The following RAB39A variants were observed in gnomAD, a reference collection of about 807,000 sequenced individuals.
RAB39A encodes the protein ras-related protein Rab-39A.
In RAB39A, 17 loss-of-function variants were observed where a neutral mutation model predicts 20.9. That is an observed-to-expected ratio of 0.81 (90% CI 0.56 to 1.22). The LOEUF is 1.22. Among genes scored for constraint, RAB39A ranks in the 50% most tolerant of loss-of-function variants. The pLI is 0.00. For synonymous variants in RAB39A, 99 were observed against 103.4 expected (o/e 0.96, Z 0.26); for missense variants, 234 against 270.5 (o/e 0.87, Z 0.95).
chr11:107,941,160 A>T (rs543478489), intron 1 of RAB39A, among the ~76,000 whole-genome samples: 6 of 152,278 alleles, frequency 3.9e-5, no homozygotes, highest in African/African-American at 1.4e-4. Context: ...AATTTGAGAA[A>T]AGGGTTTCTT....
intron 1 of RAB39A, among the ~76,000 whole-genome samples, chr11:107,946,708 T>G (rs544115997): frequency 6.6e-6 from 1 of 151,010 alleles, no homozygotes; most frequent in African/African-American, 2.4e-5. Flanking sequence ...TCTCCTGACC[T>G]CATGATCCGC....
chr11:107,939,965 G>A (rs1448762047), intron 1 of RAB39A, among the ~76,000 whole-genome samples: 2 of 152,132 alleles, frequency 1.3e-5, no homozygotes, highest in African/African-American at 2.4e-5. Flanking sequence ...GAAATTTCCA[G>A]GCATTGTCAG....
At chr11:107,931,942 C>T (rs562953260) in intron 1 of RAB39A, among the ~76,000 whole-genome samples, 94 of 151,030 alleles carry the variant, frequency 6.2e-4, no homozygotes, top group African/African-American at 2.2e-3. Context: ...TCACTGCAGC[C>T]TCCACCTCCC....
intron 1 of RAB39A, among the ~76,000 whole-genome samples, chr11:107,940,739 G>A (rs1218189319): frequency 1.3e-5 from 2 of 152,070 alleles, no homozygotes; most frequent in Non-Finnish European, 2.9e-5. Flanking sequence ...TTGGGAGGCC[G>A]AGGTGGTTGG....
chr11:107,961,209 G>C (rs552156212), intron 1 of RAB39A, among the ~76,000 whole-genome samples: 6 of 152,316 alleles, frequency 3.9e-5, no homozygotes, highest in Non-Finnish European at 7.4e-5. Flanking sequence ...AATTTTGGAA[G>C]CTGGAAGTGG....
intron 1 of RAB39A, among the ~76,000 whole-genome samples, chr11:107,938,395 C>T (rs1407151897): frequency 1.4e-5 from 2 of 143,952 alleles, no homozygotes; most frequent in Non-Finnish European, 3.0e-5. Context: ...GAGACAGCAT[C>T]GTTTCTAACA....
At position 107,962,168 on chromosome 11, in the gene RAB39A, A is replaced by T; in HGVS notation, c.450A>T (p.Gly150=). 1 of 1,614,172 alleles carries T rather than the reference A, an allele frequency of 6.2e-7. No homozygotes were observed. Among genetic ancestry groups the T allele is most frequent in the Non-Finnish European group, 8.5e-7 (1 of 1,180,010 alleles). ...CTGAAAAACTGTCAGCAGACTGTGG[A>T]ATGAAGTATATAGAAACCTCAGCAA... ...EEAEKLSADC[G]MKYIETSAKD... is the part of the protein sequence containing the mutation. Residue 150 remains glycine, a synonymous_variant, in exon 2 of 2, where the codon GGA becomes GGT. Coordinates refer to ENST00000320578, the MANE Select transcript of RAB39A (RefSeq NM_017516.3).
intron 1 of RAB39A, among the ~76,000 whole-genome samples, chr11:107,941,626 C>T (rs10890780): frequency 0.32 from 49,365 of 152,060 alleles, 8,797 homozygotes; most frequent in East Asian, 0.5. Flanking sequence ...AGTATTAGCA[C>T]TTGTTTTAAG....
chr11:107,935,967 G>A (rs1861190627), intron 1 of RAB39A, among the ~76,000 whole-genome samples: 1 of 137,226 alleles, frequency 7.3e-6, no homozygotes, highest in Non-Finnish European at 1.5e-5. Flanking sequence ...GGGCAGTGGT[G>A]TCATCCTGGC....
At chr11:107,961,855 T>A (rs1031935100) in intron 1 of RAB39A, 91 bp from the exon 2 acceptor site, 14 of 992,902 alleles carry the variant, frequency 1.4e-5, no homozygotes, top group Non-Finnish European at 2.0e-5. Context: ...TATTAAGATA[T>A]CTTCAAATGT....
At chr11:107,952,226 A>G (rs1240729209) in intron 1 of RAB39A, among the ~76,000 whole-genome samples, 1 of 152,238 alleles carries the variant, frequency 6.6e-6, no homozygotes, top group Non-Finnish European at 1.5e-5. Flanking sequence ...TCCATTGAGT[A>G]GAAGGAAATT....
At chr11:107,935,349 G>A (rs191471704) in intron 1 of RAB39A, among the ~76,000 whole-genome samples, 6 of 151,964 alleles carry the variant, frequency 3.9e-5, no homozygotes, top group African/African-American at 1.4e-4. Context: ...ACAAGGGTTT[G>A]TGATAAAGGA....
At chr11:107,932,600 T>A (rs1034263688) in intron 1 of RAB39A, among the ~76,000 whole-genome samples, 1 of 152,238 alleles carries the variant, frequency 6.6e-6, no homozygotes, top group African/African-American at 2.4e-5. Context: ...ATTGGGGAGA[T>A]CTTAGTTACA....
In RAB39A at chr11:107,928,549, G is replaced by A; in HGVS notation, c.-20G>A. On this transcript the variant is annotated 5_prime_UTR_variant, in exon 1 of 2. Transcript: ENST00000320578. The surrounding 1 kb of genome is among the most constrained non-coding windows in gnomAD (Gnocchi z 4.9). ...AGCCCGCGGGTGGGGCGGCCCGGGA[G>A]CCAGCGGGGCACGTGAGCGATGGAG... The A allele has an allele frequency of 7.0e-7, 1 of 1,438,706 alleles. No individual in the cohort carries two copies. The allele number at this position is 1,438,706 out of a possible 1,614,324, so 89.1% of individuals were successfully genotyped here. A position where few individuals can be genotyped will look rare whatever the true frequency, so the allele number is the denominator to read the frequency against.
At position 107,957,931 on chromosome 11, in the gene RAB39A, G is replaced by A. The variant is rs577187058; in HGVS notation, c.228-4015G>A. 4.7e-5 allele frequency among the ~76,000 whole-genome samples: 7 copies of A among 150,338 alleles called. 1 individual carries two copies. In the South Asian group the frequency reaches 1.1e-3, roughly 23 times the overall value. On this transcript the variant is annotated intron_variant, in intron 1 of 1. Transcript: ENST00000320578. Reference sequence around the variant, plus strand: ...TTTTTTTTGAGACAGAGTCTCTGTCGCCCAGGCTGGAGTGCAATGGTGTGA... The same window carrying A: ...TTTTTTTTGAGACAGAGTCTCTGTCACCCAGGCTGGAGTGCAATGGTGTGA...
At chr11:107,943,798 T>C (rs1398759400) in intron 1 of RAB39A, among the ~76,000 whole-genome samples, 1 of 151,774 alleles carries the variant, frequency 6.6e-6, no homozygotes, top group African/African-American at 2.4e-5. Flanking sequence ...TTCTCTCTTA[T>C]AATAGTAGTC....
At chr11:107,941,416 CAT>C (rs1393258675) in intron 1 of RAB39A, among the ~76,000 whole-genome samples, 1 of 152,164 alleles carries the variant, frequency 6.6e-6, no homozygotes, top group Non-Finnish European at 1.5e-5. Context: ...TTTATTCTCT[CAT>C]ATGATTCTCT....
At chr11:107,934,539 C>G (rs1315561239) in intron 1 of RAB39A, among the ~76,000 whole-genome samples, 1 of 152,186 alleles carries the variant, frequency 6.6e-6, no homozygotes, top group Non-Finnish European at 1.5e-5. Context: ...AGCAGAACCA[C>G]TAAATACTTG....
rs117330143 is a variant in RAB39A, at chr11:107,952,112, A to T, written c.228-9834A>T. Among the ~76,000 whole-genome samples, 67 of 152,368 alleles carry T rather than the reference A, an allele frequency of 4.4e-4. No individual in the cohort carries two copies. In the East Asian group the frequency reaches 0.013, roughly 29 times the overall value. ...AAATCAAACAGTTAATAATGTTTAC[A>T]TAAACAAGGCAACCATTTTGTCTCA... On this transcript the variant is annotated intron_variant, in intron 1 of 1. Coordinates refer to ENST00000320578, the MANE Select transcript of RAB39A (RefSeq NM_017516.3).
Sources: allele counts gnomAD v4.1 joint callset (sites outside exome capture counted in the v4.1 genomes callset), GRCh38; gene constraint gnomAD v4.1.1; non-coding constraint Gnocchi (gnomAD v3.1); transcripts MANE v1.5; gene names NCBI Gene and HGNC (gene_info 2026-07-23, HGNC 2026-07-21).